Variants in KLF11 observed in about 807,000 individuals in gnomAD.
KLF11 encodes the protein KLF transcription factor 11.
In KLF11, 26 loss-of-function variants were observed where a neutral mutation model predicts 29.9. The ratio of observed to expected loss-of-function variants is 0.87; its 90% CI spans 0.64 to 1.21. KLF11 has a LOEUF of 1.21. Among genes scored for constraint, KLF11 ranks in the 50% most tolerant of loss-of-function variants. The pLI is 0.00. For synonymous variants in KLF11, 318 were observed against 257.4 expected (o/e 1.24, Z -2.25); for missense variants, 778 against 665.7 (o/e 1.17, Z -1.86).
rs116420717 is a variant in KLF11 at position 10,045,307 on chromosome 2, C to G, written c.43-843C>G. On this transcript the variant is annotated intron_variant, in intron 1 of 3. Transcript: ENST00000305883. Reference sequence around the variant, plus strand: ...GGGCGTGGTGGCGGACGCCTCCCAGCTACTCTGGAGGCTGAGGCAGGAGAA... The same window carrying G: ...GGGCGTGGTGGCGGACGCCTCCCAGGTACTCTGGAGGCTGAGGCAGGAGAA... Among the ~76,000 whole-genome samples the G allele has an allele frequency of 2.9e-3, 444 of 152,278 alleles. 1 individual carries two copies. Among genetic ancestry groups the G allele is most frequent in the African/African-American group, 0.01 (422 of 41,554 alleles).
intron 3 of KLF11, among the ~76,000 whole-genome samples, chr2:10,050,940 C>T (rs1232526423): frequency 1.4e-4 from 13 of 94,548 alleles, no homozygotes; most frequent in African/African-American, 2.5e-4. Context: ...CTTGCTCTGT[C>T]GCCCAGGCTG....
At chr2:10,047,019 CG>C (rs1387959002) in intron 2 of KLF11, among the ~76,000 whole-genome samples, 1 of 152,110 alleles carries the variant, frequency 6.6e-6, no homozygotes, top group African/African-American at 2.4e-5. Flanking sequence ...AGGGGAATCT[CG>C]GGGTGGAGCT....
In KLF11 at chr2:10,046,283, A is replaced by G; in HGVS notation, c.176A>G (p.Gln59Arg). 6.2e-7 allele frequency: 1 copy of G among 1,614,190 alleles called. No individual in the cohort carries two copies. The change falls in exon 2 of 4, where the codon CAA becomes CGA. Residue 59 changes from glutamine (Q) to arginine (R), a missense_variant. Transcript: ENST00000305883. ...CTTGTTTGTATGAGCTCCTGGGGTC[A>G]AAGATCCCAGAAAGGTGACCTGTTG... ...EALVCMSSWG[Q>R]RSQKGDLLRI...
At chr2:10,046,047 AC>A in intron 1 of KLF11, 102 bp from the exon 2 acceptor site, 1 of 1,294,290 alleles carries the variant, frequency 7.7e-7, no homozygotes, top group Non-Finnish European at 1.1e-6. Flanking sequence ...CATGTGCATT[AC>A]ATGCCTACTG....
At position 10,052,326 on chromosome 2, in the gene KLF11, A is replaced by T. The variant is rs762130773; in HGVS notation, c.1358A>T (p.Lys453Met). The change falls in exon 4 of 4, where the codon AAG becomes ATG. Residue 453 changes from lysine (K) to methionine (M), a missense_variant. Lys to Met is a moderately conservative substitution (Grantham distance 95, BLOSUM62 -1). Coordinates refer to ENST00000305883, the MANE Select transcript of KLF11 (RefSeq NM_003597.5). The part of the protein sequence containing the change: ...RHRRTHTGEK[K>M]FVCPVCDRRF... ...CGCAGAACTCACACAGGGGAGAAGA[A>T]GTTTGTGTGCCCGGTGTGTGACCGA... 5.6e-6 allele frequency: 9 copies of T among 1,614,126 alleles called. No individual in the cohort carries two copies. In the East Asian group the frequency reaches 6.7e-5, roughly 12 times the overall value.
At chr2:10,048,663 G>A (rs1017029288) in intron 3 of KLF11, 68 bp downstream of exon 3, 8 of 1,232,838 alleles carry the variant, frequency 6.5e-6, no homozygotes, top group African/African-American at 1.5e-5. Context: ...ACCTTGAGCC[G>A]CCTTTGGCTG....
At chr2:10,044,048 C>G in intron 1 of KLF11, 1 of 696,554 alleles carries the variant, frequency 1.4e-6, no homozygotes, top group Non-Finnish European at 1.8e-6. Context: ...CCAGCCATGA[C>G]GTCACCCCGG....
chr2:10,047,687 C>T lies in KLF11; in HGVS notation c.350C>T (p.Pro117Leu), dbSNP rs1661253613. The change falls in exon 3 of 4, where the codon CCA (proline) becomes CTA (leucine). Residue 117 changes from proline to leucine, a missense_variant. Coordinates refer to ENST00000305883, the MANE Select transcript of KLF11 (RefSeq NM_003597.5). ...TPPQSPDLVE[P>L]STRTPVSPQV... Reference sequence around the variant, plus strand: ...CCTCAGAGCCCTGATCTCGTGGAGCCATCGACAAGGACACCTGTTTCTCCC... The same window carrying T: ...CCTCAGAGCCCTGATCTCGTGGAGCTATCGACAAGGACACCTGTTTCTCCC... 4 of 1,613,380 alleles carry T rather than the reference C, an allele frequency of 2.5e-6. No homozygotes were observed. Among genetic ancestry groups the T allele is most frequent in the Non-Finnish European group, 3.4e-6 (4 of 1,180,014 alleles).
intron 1 of KLF11, among the ~76,000 whole-genome samples, chr2:10,045,258 T>C (rs1661155276): frequency 6.6e-6 from 1 of 151,434 alleles, no homozygotes; most frequent in Admixed American, 6.6e-5. Flanking sequence ...AAACCCCGTC[T>C]CTACTAAAAA....
At chr2:10,044,118 CTT>C in intron 1 of KLF11, 2 of 814,318 alleles carry the variant, frequency 2.5e-6, no homozygotes, top group Non-Finnish European at 3.0e-6. Flanking sequence ...GGCACGCGGC[CTT>C]GGGGGCGGGG....
intron 1 of KLF11, chr2:10,044,097 G>A: frequency 6.0e-6 from 4 of 671,406 alleles, no homozygotes; most frequent in Non-Finnish European, 7.3e-6. Flanking sequence ...GGGAGCGGCT[G>A]GCGGGAACGC....
rs561607413 is a variant in KLF11 at position 10,047,975 on chromosome 2, C to T, written c.638C>T (p.Thr213Ile). 1.2e-6 allele frequency: 2 copies of T among 1,613,976 alleles called. No homozygotes were observed. Among genetic ancestry groups the T allele is most frequent in the Non-Finnish European group, 1.7e-6 (2 of 1,180,054 alleles). ...GAGCAGCTTCTGGGACACTTTGAAA[C>T]TTTGCAGGACACACACCTCACGGAC... ...GEEQLLGHFE[T>I]LQDTHLTDSL... Residue 213 changes from threonine (T) to isoleucine (I), a missense_variant, in exon 3 of 4, where the codon ACT (threonine) becomes ATT (isoleucine). Coordinates refer to ENST00000305883, the MANE Select transcript of KLF11 (RefSeq NM_003597.5).
intron 1 of KLF11, among the ~76,000 whole-genome samples, chr2:10,045,354 G>A (rs1293519763): frequency 6.6e-6 from 1 of 151,890 alleles, no homozygotes; most frequent in Non-Finnish European, 1.5e-5. Flanking sequence ...CGGGAGGTCA[G>A]TTCAAGGCCA....
intron 1 of KLF11, among the ~76,000 whole-genome samples, chr2:10,045,300 C>T (rs1188984686): frequency 2.0e-5 from 3 of 151,310 alleles, no homozygotes; most frequent in African/African-American, 4.9e-5. Context: ...TGGCGGACGC[C>T]TCCCAGCTAC....
rs1270552432 is a variant in KLF11 at position 10,043,616 on chromosome 2, C to G, written c.-101C>G. 1 of 828,846 alleles carries G rather than the reference C, an allele frequency of 1.2e-6. No homozygotes were observed. The highest frequency in any genetic ancestry group is 1.4e-6 in the Non-Finnish European group (1 of 690,560). 51.3% of individuals were successfully genotyped at this position (828,846 alleles called of 1,614,324 possible). A position where few individuals can be genotyped will look rare whatever the true frequency, so the allele number is the denominator to read the frequency against. On this transcript the variant is annotated 5_prime_UTR_variant, in exon 1 of 4. Transcript: ENST00000305883. ...AGGCGCGTGCCGGCCGCAGGAGCTCCGGGTTGCCGCCGCCGCCGCCGCCCG... is the reference window on the plus strand; with the variant it reads ...AGGCGCGTGCCGGCCGCAGGAGCTCGGGGTTGCCGCCGCCGCCGCCGCCCG...
intron 1 of KLF11, among the ~76,000 whole-genome samples, chr2:10,044,718 G>A (rs1348245877): frequency 2.0e-5 from 3 of 149,574 alleles, no homozygotes; most frequent in African/African-American, 7.4e-5. Flanking sequence ...GCGCGATCTC[G>A]GCCCACTGTA....
rs267598799 is a variant in KLF11 at position 10,048,193 on chromosome 2, C to G, written c.856C>G (p.Leu286Val). The G allele has an allele frequency of 2.5e-6, 4 of 1,614,202 alleles. No homozygotes were observed. Among genetic ancestry groups the G allele is most frequent in the Non-Finnish European group, 3.4e-6 (4 of 1,180,024 alleles). The change falls in exon 3 of 4, where the codon CTT becomes GTT. Residue 286 changes from leucine to valine, a missense_variant. Physicochemically the swap from Leu to Val is conservative, Grantham distance 32 (BLOSUM62 1). Coordinates refer to ENST00000305883, the MANE Select transcript of KLF11 (RefSeq NM_003597.5). ...TGTCTCTGTCCCTGCTCCCCCTGTC[C>G]TTTGCCAGATGATCCCTGTGACTGG... ...ISVSVPAPPV[L>V]CQMIPVTGQS...
intron 3 of KLF11, among the ~76,000 whole-genome samples, chr2:10,049,014 C>T (rs968451388): frequency 6.7e-6 from 1 of 148,292 alleles, no homozygotes; most frequent in African/African-American, 2.5e-5. Context: ...TCTGGCCAAA[C>T]TATAGAAAAG....
Position 10,052,299 on chromosome 2 carries a change from A to G in KLF11, c.1331A>G (p.His444Arg). ...GCTCGTTCGGATGAGCTGTCACGCC[A>G]CCGCAGAACTCACACAGGGGAGAAG... ...KFARSDELSR[H>R]RRTHTGEKKF... Residue 444 changes from histidine (H) to arginine (R), a missense_variant, in exon 4 of 4, where the codon CAC (histidine) becomes CGC (arginine). Transcript: ENST00000305883. 6.2e-7 allele frequency: 1 copy of G among 1,614,142 alleles called. No homozygotes were observed.
Sources: allele counts gnomAD v4.1 joint callset (sites outside exome capture counted in the v4.1 genomes callset), GRCh38; gene constraint gnomAD v4.1.1; transcripts MANE v1.5; gene names NCBI Gene and HGNC (gene_info 2026-07-23, HGNC 2026-07-21).